Variants in SPOCK1 observed in about 807,000 individuals in gnomAD.
SPOCK1 encodes the protein SPARC (osteonectin), cwcv and kazal like domains proteoglycan 1.
A neutral mutation model predicts 55.3 loss-of-function variants in SPOCK1; 23 were observed. That is an observed-to-expected ratio of 0.42 (90% CI 0.30 to 0.59). The LOEUF is 0.59. Among genes scored for constraint, SPOCK1 ranks in the 20% least tolerant of loss-of-function variants. SPOCK1 has a pLI of 0.22. For synonymous variants in SPOCK1, 226 were observed against 221.0 expected, an observed-to-expected ratio of 1.02 and a Z score of -0.20; for missense variants, 499 against 552.5, an observed-to-expected ratio of 0.90 and a Z score of 0.97.
rs1030415317 is a variant in SPOCK1 at position 137,058,918 on chromosome 5, C to G, written c.589+8797G>C. Among the ~76,000 whole-genome samples, 44 of 152,172 alleles carry G rather than the reference C, an allele frequency of 2.9e-4. 1 individual carries two copies. The highest frequency in any genetic ancestry group is 9.8e-4 in the Admixed American group (15 of 15,276). ...GGATCAGAGCAGCAAAAGATGGGGA[C>G]AGACACGTAACAGAGGACCAGAGCA... is the stretch of plus-strand genomic sequence containing the variant. On this transcript the variant is annotated intron_variant, in intron 6 of 10. Transcript: ENST00000394945.
intron 2 of SPOCK1, among the ~76,000 whole-genome samples, chr5:137,431,570 T>C (rs769767225): frequency 1.3e-5 from 2 of 152,180 alleles, no homozygotes; most frequent in Non-Finnish European, 2.9e-5. Flanking sequence ...TGGGGAGTGT[T>C]TGGGTCATGA....
chr5:137,486,974 A>T (rs1027499020), intron 2 of SPOCK1, among the ~76,000 whole-genome samples: 1 of 152,242 alleles, frequency 6.6e-6, no homozygotes, highest in Non-Finnish European at 1.5e-5. Context: ...AACCACGTCC[A>T]CAGAAGTCAC....
At position 137,030,176 on chromosome 5, in the gene SPOCK1, C is replaced by T. The variant is rs1278334808; in HGVS notation, c.589+37539G>A. Among the ~76,000 whole-genome samples, 8 of 152,198 alleles carry T rather than the reference C, an allele frequency of 5.3e-5. No individual in the cohort carries two copies. The East Asian group carries it at 1.3e-3, about 26-fold the overall frequency. On this transcript the variant is annotated intron_variant, in intron 6 of 10. Coordinates refer to ENST00000394945, the MANE Select transcript of SPOCK1 (RefSeq NM_004598.4). Reference sequence around the variant, plus strand: ...GCCTGGCACACTTAAAAATATATACCGGGTAGAGTGATGGATGAAGTAATG... The same window carrying T: ...GCCTGGCACACTTAAAAATATATACTGGGTAGAGTGATGGATGAAGTAATG...
At position 137,317,031 on chromosome 5, in the gene SPOCK1, T is replaced by C. The variant is rs376288377; in HGVS notation, c.187-49976A>G. On this transcript the variant is annotated intron_variant, in intron 2 of 10. Transcript: ENST00000394945. ...TAAGAGCTCTGAATGGCCACTCAGC[T>C]AGGAAGATCAAGCAGCCCACCTTCT... Among the ~76,000 whole-genome samples the C allele has an allele frequency of 5.9e-5, 9 of 152,126 alleles. No individual in the cohort carries two copies. In the East Asian group the frequency reaches 9.7e-4, roughly 16 times the overall value.
At chr5:137,073,107 CT>C (rs1752649559) in intron 5 of SPOCK1, among the ~76,000 whole-genome samples, 2 of 152,220 alleles carry the variant, frequency 1.3e-5, no homozygotes, top group African/African-American at 4.8e-5. Context: ...CATTTAGAAC[CT>C]TATTGAACAT....
At chr5:137,256,149 T>C (rs1284531864) in intron 3 of SPOCK1, among the ~76,000 whole-genome samples, 1 of 152,196 alleles carries the variant, frequency 6.6e-6, no homozygotes, top group African/African-American at 2.4e-5. Context: ...CACCATATTC[T>C]GTATGGATTT....
chr5:137,348,479 T>TG (rs1750608839), intron 2 of SPOCK1, among the ~76,000 whole-genome samples: 1 of 31,886 alleles, frequency 3.1e-5, no homozygotes, highest in Non-Finnish European at 6.6e-5. Flanking sequence ...GGGGTGGGGG[T>TG]GGGGGTGCGG....
intron 6 of SPOCK1, among the ~76,000 whole-genome samples, chr5:137,020,648 G>A (rs1348776713): frequency 6.6e-6 from 1 of 151,794 alleles, no homozygotes; most frequent in Non-Finnish European, 1.5e-5. Flanking sequence ...AACTGGGAGA[G>A]GATATTTGGA....
chr5:137,495,946 T>C (rs1754290613), intron 2 of SPOCK1, among the ~76,000 whole-genome samples: 1 of 152,226 alleles, frequency 6.6e-6, no homozygotes, highest in African/African-American at 2.4e-5. Flanking sequence ...CATTTTTAGA[T>C]GTTTTAATGG....
chr5:137,228,331 C>T (rs1755985141), intron 3 of SPOCK1, among the ~76,000 whole-genome samples: 1 of 152,170 alleles, frequency 6.6e-6, no homozygotes, highest in Non-Finnish European at 1.5e-5. Flanking sequence ...AGGACCCACC[C>T]AATATGAGAC....
At chr5:137,339,466 G>A (rs552127574) in intron 2 of SPOCK1, among the ~76,000 whole-genome samples, 2 of 152,200 alleles carry the variant, frequency 1.3e-5, no homozygotes, top group African/African-American at 4.8e-5. Context: ...ACCCCATGAG[G>A]ACAGCCTGCC....
intron 2 of SPOCK1, among the ~76,000 whole-genome samples, chr5:137,337,480 A>G (rs1451753302): frequency 2.6e-5 from 4 of 152,170 alleles, no homozygotes; most frequent in Admixed American, 2.0e-4. Flanking sequence ...TTTCTGTATC[A>G]TGTACCATGA....
chr5:137,197,394 G>A (rs1040792461), intron 3 of SPOCK1, among the ~76,000 whole-genome samples: 1 of 152,188 alleles, frequency 6.6e-6, no homozygotes, highest in Non-Finnish European at 1.5e-5. Flanking sequence ...CAGCTCTGCA[G>A]TGCACTGGCT....
At position 137,186,507 on chromosome 5, in the gene SPOCK1, C is replaced by G. The variant is rs538604238; in HGVS notation, c.233-45813G>C. Among the ~76,000 whole-genome samples the G allele has an allele frequency of 2.6e-5, 4 of 152,178 alleles. No homozygotes were observed. The South Asian group carries it at 8.3e-4, about 32-fold the overall frequency. On this transcript the variant is annotated intron_variant, in intron 3 of 10. Coordinates refer to ENST00000394945, the MANE Select transcript of SPOCK1 (RefSeq NM_004598.4). ...CTTCAAAGCCCTGGACCAAACTGGACAAGATAACATCAGTAACTTTCCTCT... is the reference window on the plus strand; with the variant it reads ...CTTCAAAGCCCTGGACCAAACTGGAGAAGATAACATCAGTAACTTTCCTCT...
At chr5:137,044,277 C>A (rs1022997246) in intron 6 of SPOCK1, among the ~76,000 whole-genome samples, 3 of 152,170 alleles carry the variant, frequency 2.0e-5, no homozygotes, top group Non-Finnish European at 4.4e-5. Context: ...GCCTTGATTC[C>A]CATTTATGCC....
At chr5:137,013,033 G>A (rs1444291169) in intron 6 of SPOCK1, among the ~76,000 whole-genome samples, 1 of 152,166 alleles carries the variant, frequency 6.6e-6, no homozygotes, top group Non-Finnish European at 1.5e-5. Context: ...GAATAATGTG[G>A]ATGTGTGGAG....
intron 5 of SPOCK1, among the ~76,000 whole-genome samples, chr5:137,079,310 A>G (rs564280781): frequency 6.6e-6 from 1 of 152,374 alleles, no homozygotes; most frequent in East Asian, 1.9e-4. Flanking sequence ...TTGGACAGCT[A>G]TATAGATGCA....
intron 2 of SPOCK1, among the ~76,000 whole-genome samples, chr5:137,466,605 T>C (rs1342700032): frequency 2.6e-5 from 4 of 152,228 alleles, no homozygotes; most frequent in Non-Finnish European, 4.4e-5. Context: ...ATTCAATCTC[T>C]CTTTGCCTCA....
At chr5:137,489,674 C>A (rs1446235439) in intron 2 of SPOCK1, among the ~76,000 whole-genome samples, 1 of 152,202 alleles carries the variant, frequency 6.6e-6, no homozygotes, top group East Asian at 1.9e-4. Context: ...TTCCCCTGCC[C>A]CCAAATGTGT....
Sources: allele counts gnomAD v4.1 joint callset (sites outside exome capture counted in the v4.1 genomes callset), GRCh38; gene constraint gnomAD v4.1.1; transcripts MANE v1.5; gene names NCBI Gene and HGNC (gene_info 2026-07-23, HGNC 2026-07-21).